RNF220: variants seen among roughly 807,000 people sequenced by gnomAD.
The protein encoded by RNF220 is ring finger protein 220.
Under a neutral mutation model 67.1 loss-of-function variants are expected in RNF220, and 7 were observed. The ratio of observed to expected loss-of-function variants is 0.10; its 90% CI spans 0.06 to 0.20. RNF220 has a LOEUF of 0.20. Ranked by LOEUF, RNF220 falls within the 10% of genes least tolerant of loss-of-function variation. The pLI is 1.00. For missense variants in RNF220, 565 were observed against 740.3 expected (o/e 0.76, Z 2.75); for synonymous variants, 270 against 283.2 (o/e 0.95, Z 0.47).
At chr1:44,628,991 G>C (rs555046227) in intron 5 of RNF220, among the ~76,000 whole-genome samples, 6 of 152,230 alleles carry the variant, frequency 3.9e-5, no homozygotes. Context: ...TGATGCTGTG[G>C]TTGACTGGGC....
intron 2 of RNF220, among the ~76,000 whole-genome samples, chr1:44,574,677 A>G (rs1321769582): frequency 6.6e-6 from 1 of 152,096 alleles, no homozygotes; most frequent in African/African-American, 2.4e-5. Context: ...CTGCACGTTC[A>G]TTCCTCCTTT....
chr1:44,622,271 T>C lies in RNF220; in HGVS notation c.759-471T>C, dbSNP rs1643828920. Among the ~76,000 whole-genome samples the C allele has an allele frequency of 2.0e-5, 3 of 152,076 alleles. No homozygotes were observed. Among genetic ancestry groups the C allele is most frequent in the Admixed American group, 6.5e-5 (1 of 15,276 alleles). ...TGCCGGAGGGCCTGGGGCTGACAAA[T>C]TGAATCAGGGGGAGATCATTCCTGG... is the stretch of plus-strand genomic sequence containing the variant. On this transcript the variant is annotated intron_variant, in intron 3 of 14. Transcript: ENST00000361799. The surrounding 1 kb of genome is among the most constrained non-coding windows in gnomAD (Gnocchi z 4.3).
chr1:44,457,754 A>T (rs1002922195), intron 2 of RNF220, among the ~76,000 whole-genome samples: 2 of 152,228 alleles, frequency 1.3e-5, no homozygotes, highest in Non-Finnish European at 2.9e-5. Context: ...AGGTTGCTTA[A>T]TCAAAGTCAG....
intron 2 of RNF220, among the ~76,000 whole-genome samples, chr1:44,602,058 A>C (rs976518433): frequency 6.6e-6 from 1 of 152,102 alleles, no homozygotes; most frequent in Non-Finnish European, 1.5e-5. Flanking sequence ...AGTTAAATGG[A>C]TACAAGTCTT....
At chr1:44,419,604 G>A (rs1299516445) in intron 2 of RNF220, 5 of 152,142 alleles carry the variant, frequency 3.3e-5, no homozygotes, top group Admixed American at 1.3e-4. Context: ...TAGTGGTGGC[G>A]ATTATAATCT....
chr1:44,562,497 G>A (rs1663652016), intron 2 of RNF220, among the ~76,000 whole-genome samples: 1 of 152,186 alleles, frequency 6.6e-6, no homozygotes, highest in South Asian at 2.1e-4. Flanking sequence ...AGCATCCATA[G>A]GTACGTCTCC....
chr1:44,504,044 T>C (rs997067825), intron 2 of RNF220, among the ~76,000 whole-genome samples: 2 of 152,076 alleles, frequency 1.3e-5, no homozygotes, highest in Non-Finnish European at 2.9e-5. Flanking sequence ...AGAGATGGGT[T>C]TCACTGTGTT....
chr1:44,593,187 G>A (rs1003375750), intron 2 of RNF220, among the ~76,000 whole-genome samples: 1 of 152,140 alleles, frequency 6.6e-6, no homozygotes, highest in African/African-American at 2.4e-5. Context: ...CCTTTTCCCT[G>A]TTCCATCCCA....
chr1:44,477,828 A>C (rs1430943035), intron 2 of RNF220, among the ~76,000 whole-genome samples: 4 of 152,212 alleles, frequency 2.6e-5, no homozygotes. Context: ...GTCAAAAGTC[A>C]AGAAGCAGGT....
At position 44,438,496 on chromosome 1, in the gene RNF220, G is replaced by A. The variant is rs949104919; in HGVS notation, c.625+25774G>A. 1.1e-4 allele frequency among the ~76,000 whole-genome samples: 16 copies of A among 152,246 alleles called. No individual in the cohort carries two copies. The South Asian group carries it at 1.5e-3, about 14-fold the overall frequency. On this transcript the variant is annotated intron_variant, in intron 2 of 14. Coordinates refer to ENST00000361799, the MANE Select transcript of RNF220 (RefSeq NM_018150.4). ...TTAAGTAAAATTGGTACTCTGGTAC[G>A]ATTCATTAATTCGAGTACTTATTGA...
At chr1:44,609,717 C>A (rs1207078485) in intron 2 of RNF220, among the ~76,000 whole-genome samples, 2 of 152,342 alleles carry the variant, frequency 1.3e-5, no homozygotes, top group East Asian at 3.9e-4. Context: ...CTGGCCCAAG[C>A]TAGGAAGAGG....
intron 2 of RNF220, among the ~76,000 whole-genome samples, chr1:44,450,170 T>G (rs1239415445): frequency 6.6e-6 from 1 of 151,980 alleles, no homozygotes; most frequent in Non-Finnish European, 1.5e-5. Context: ...GATTGCGCCA[T>G]TGCACTTCCA....
chr1:44,585,778 T>C (rs528055077), intron 2 of RNF220, among the ~76,000 whole-genome samples: 1 of 152,268 alleles, frequency 6.6e-6, no homozygotes, highest in South Asian at 2.1e-4. Context: ...CTTTTTCTCA[T>C]CTCTAAAATG....
intron 2 of RNF220, among the ~76,000 whole-genome samples, chr1:44,567,699 G>A (rs755597): frequency 0.09 from 13,619 of 152,086 alleles, 651 homozygotes; most frequent in African/African-American, 0.12. Flanking sequence ...AGCATAAGTC[G>A]TTGTTCTCTC....
At position 44,474,001 on chromosome 1, in the gene RNF220, G is replaced by A. The variant is rs190431998; in HGVS notation, c.625+61279G>A. On this transcript the variant is annotated intron_variant, in intron 2 of 14. Transcript: ENST00000361799. ...TTACCTAATTTCATTAAGTACAGTC[G>A]GCCTTCTGTATTCACAGATTCCGCA... 3.3e-5 allele frequency among the ~76,000 whole-genome samples: 5 copies of A among 152,010 alleles called. No individual in the cohort carries two copies. The East Asian group carries it at 5.8e-4, about 18-fold the overall frequency.
rs1667310135 is a variant in RNF220 at position 44,606,919 on chromosome 1, T to C, written c.626-7246T>C. ...CCTACTCAGCATTTTCACATGAATG[T>C]CTAATAGTTCCTCAAGCTAAGTACA... On this transcript the variant is annotated intron_variant, in intron 2 of 14. Coordinates refer to ENST00000361799, the MANE Select transcript of RNF220 (RefSeq NM_018150.4). The surrounding 1 kb of genome is among the most constrained non-coding windows in gnomAD (Gnocchi z 4.2). 6.6e-6 allele frequency among the ~76,000 whole-genome samples: 1 copy of C among 152,190 alleles called. No individual in the cohort carries two copies. The highest frequency in any genetic ancestry group is 2.4e-5 in the African/African-American group (1 of 41,448).
At chr1:44,418,244 G>C (rs1648801545) in intron 2 of RNF220, among the ~76,000 whole-genome samples, 1 of 152,190 alleles carries the variant, frequency 6.6e-6, no homozygotes, top group Non-Finnish European at 1.5e-5. Context: ...GGAGGGTTCT[G>C]CCTGGAGAAG....
chr1:44,451,461 T>A (rs1233044219), intron 2 of RNF220, among the ~76,000 whole-genome samples: 1 of 152,198 alleles, frequency 6.6e-6, no homozygotes, highest in Non-Finnish European at 1.5e-5. Context: ...CTCTATTAGA[T>A]TGTCTTATTC....
chr1:44,414,960 G>A (rs536372092), intron 2 of RNF220, among the ~76,000 whole-genome samples: 47 of 150,484 alleles, frequency 3.1e-4, no homozygotes, highest in African/African-American at 1.1e-3. Flanking sequence ...AAACAAAGGT[G>A]CAAAGTGAAA....
Sources: gnomAD v4.1 joint callset for allele counts (sites outside exome capture counted in the v4.1 genomes callset) on GRCh38, gnomAD v4.1.1 for gene constraint, Gnocchi (gnomAD v3.1) non-coding constraint, MANE v1.5 for transcripts, NCBI Gene and HGNC (gene_info 2026-07-23, HGNC 2026-07-21) for gene names.